The following MDGA2 variants were observed in gnomAD, a reference collection of about 807,000 sequenced individuals.
The protein encoded by MDGA2 is MAM domain containing glycosylphosphatidylinositol anchor 2, also known as MAM domain-containing glycosylphosphatidylinositol anchor protein 2.
In MDGA2, 40 loss-of-function variants were observed where a neutral mutation model predicts 117.8. The observed-to-expected ratio is 0.34, with a 90% confidence interval of 0.26 to 0.44. The LOEUF is 0.44. Ranked by LOEUF, MDGA2 falls within the 20% of genes least tolerant of loss-of-function variation. The pLI, the probability that MDGA2 is intolerant of heterozygous loss-of-function variation, is 1.00. For synonymous variants in MDGA2, 452 were observed against 439.0 expected, an observed-to-expected ratio of 1.03 and a Z score of -0.37; for missense variants, 1,123 against 1,250.6, an observed-to-expected ratio of 0.90 and a Z score of 1.54.
chr14:47,415,617 G>C (rs529603691), intron 1 of MDGA2, among the ~76,000 whole-genome samples: 1 of 152,230 alleles, frequency 6.6e-6, no homozygotes, highest in African/African-American at 2.4e-5. Flanking sequence ...ACTATCTGCA[G>C]TCCTGCTAAC....
intron 8 of MDGA2, chr14:46,960,309 C>T (rs1204904127): frequency 6.6e-6 from 1 of 151,648 alleles, no homozygotes; most frequent in African/African-American, 2.4e-5. Flanking sequence ...GCTTATTTGC[C>T]CTTCATTCCT....
intron 1 of MDGA2, among the ~76,000 whole-genome samples, chr14:47,519,776 T>C (rs575809764): frequency 6.6e-6 from 1 of 152,288 alleles, no homozygotes; most frequent in East Asian, 1.9e-4. Flanking sequence ...AAGCTATAAT[T>C]TGTGAGATAA....
At chr14:47,644,227 G>A (rs1897482277) in intron 1 of MDGA2, among the ~76,000 whole-genome samples, 1 of 152,200 alleles carries the variant, frequency 6.6e-6, no homozygotes, top group African/African-American at 2.4e-5. Flanking sequence ...TTGAAAATGT[G>A]ATTACATTAA....
chr14:47,431,596 A>G (rs1892801250), intron 1 of MDGA2, among the ~76,000 whole-genome samples: 2 of 152,076 alleles, frequency 1.3e-5, no homozygotes, highest in Non-Finnish European at 2.9e-5. Flanking sequence ...TGTGCTTTGA[A>G]GAAATTTGAT....
chr14:46,875,361 A>G (rs1164856138), intron 12 of MDGA2, among the ~76,000 whole-genome samples: 1 of 151,746 alleles, frequency 6.6e-6, no homozygotes, highest in Non-Finnish European at 1.5e-5. Context: ...TTTCCTTTAA[A>G]TTTAGGGAAT....
At chr14:47,161,258 C>T (rs1156862445) in intron 3 of MDGA2, among the ~76,000 whole-genome samples, 3 of 151,964 alleles carry the variant, frequency 2.0e-5, no homozygotes, top group Non-Finnish European at 4.4e-5. Context: ...ATAATTACGG[C>T]ATTTTGAGCT....
intron 1 of MDGA2, among the ~76,000 whole-genome samples, chr14:47,639,468 G>T (rs1005889737): frequency 6.6e-5 from 10 of 151,994 alleles, no homozygotes; most frequent in African/African-American, 9.7e-5. Flanking sequence ...TCTAAGAAAT[G>T]AGCCCTCCTT....
intron 2 of MDGA2, among the ~76,000 whole-genome samples, chr14:47,256,288 G>A (rs952784131): frequency 1.3e-5 from 2 of 151,904 alleles, no homozygotes; most frequent in Non-Finnish European, 2.9e-5. Context: ...CATCATAGGA[G>A]TATCAATATT....
chr14:46,856,648 T>G (rs1881279408), intron 14 of MDGA2, among the ~76,000 whole-genome samples: 1 of 152,108 alleles, frequency 6.6e-6, no homozygotes, highest in African/African-American at 2.4e-5. Flanking sequence ...ATTCAATGTT[T>G]AGTTTACTTA....
chr14:47,185,390 T>C (rs896520736), intron 3 of MDGA2, among the ~76,000 whole-genome samples: 20 of 151,524 alleles, frequency 1.3e-4, no homozygotes, highest in Non-Finnish European at 2.8e-4. Context: ...ATGCTTTAGG[T>C]ACTATTAATA....
chr14:47,236,219 A>T (rs1886854877), intron 2 of MDGA2, among the ~76,000 whole-genome samples: 1 of 136,886 alleles, frequency 7.3e-6, no homozygotes, highest in Non-Finnish European at 1.5e-5. Flanking sequence ...TCAACCCAGG[A>T]GGCGGAGCTT....
intron 5 of MDGA2, among the ~76,000 whole-genome samples, chr14:47,131,390 G>A (rs1352235623): frequency 6.6e-6 from 1 of 151,738 alleles, no homozygotes. Context: ...CTTCAATCAC[G>A]AATTTTTATA....
At chr14:47,530,628 T>C (rs772285427) in intron 1 of MDGA2, among the ~76,000 whole-genome samples, 13 of 152,096 alleles carry the variant, frequency 8.5e-5, no homozygotes, top group Non-Finnish European at 1.8e-4. Flanking sequence ...ACCAAGTGCA[T>C]TGGCGGCATC....
intron 1 of MDGA2, among the ~76,000 whole-genome samples, chr14:47,321,993 T>C (rs187213805): frequency 6.6e-6 from 1 of 152,340 alleles, no homozygotes; most frequent in African/African-American, 2.4e-5. Flanking sequence ...GCTAGTTTAT[T>C]TGTCATTAAA....
At chr14:47,451,721 T>A (rs1396665261) in intron 1 of MDGA2, among the ~76,000 whole-genome samples, 1 of 152,104 alleles carries the variant, frequency 6.6e-6, no homozygotes, top group Non-Finnish European at 1.5e-5. Context: ...TTCAATATAA[T>A]GAGATTTCTG....
chr14:47,147,109 G>C (rs1351044244), intron 3 of MDGA2, among the ~76,000 whole-genome samples: 1 of 151,808 alleles, frequency 6.6e-6, no homozygotes, highest in African/African-American at 2.4e-5. Flanking sequence ...AATTTTAAGG[G>C]AGATTATATA....
chr14:47,379,170 A>T (rs1594826211), intron 1 of MDGA2, among the ~76,000 whole-genome samples: 1 of 152,334 alleles, frequency 6.6e-6, no homozygotes, highest in East Asian at 1.9e-4. Flanking sequence ...AAATGCTGAG[A>T]TTTTGTCACC....
intron 1 of MDGA2, among the ~76,000 whole-genome samples, chr14:47,439,987 T>C (rs1055938801): frequency 2.0e-5 from 3 of 152,134 alleles, no homozygotes; most frequent in Admixed American, 2.0e-4. Flanking sequence ...TGTACCTTCT[T>C]ATTGCCTGCA....
chr14:47,549,343 A>ATCTCTCTCTCTCTCTCTCTCTC lies in MDGA2; in HGVS notation c.280+125152_280+125173dup, dbSNP rs3039661. Among the ~76,000 whole-genome samples the ATCTCTCTCTCTCTCTCTCTCTC allele has an allele frequency of 3.2e-3, 453 of 140,202 alleles. 7 individuals are homozygous for ATCTCTCTCTCTCTCTCTCTCTC. Among genetic ancestry groups the ATCTCTCTCTCTCTCTCTCTCTC allele is most frequent in the East Asian group, 0.011 (52 of 4,544 alleles). The allele number at this position is 140,202 out of a possible 152,430, so 92.0% of individuals were successfully genotyped here. A position where few individuals can be genotyped will look rare whatever the true frequency, so the allele number is the denominator to read the frequency against. ...CATGTTGATAGGTTTCACCAGTATT[A>ATCTCTCTCTCTCTCTCTCTCTC]TCTCTCTCTCTCTCTCTCTCTCTCT... On this transcript the variant is annotated intron_variant, in intron 1 of 16. Coordinates refer to ENST00000399232, the MANE Select transcript of MDGA2 (RefSeq NM_001113498.3).
Sources: gnomAD v4.1 joint callset for allele counts (sites outside exome capture counted in the v4.1 genomes callset) on GRCh38, gnomAD v4.1.1 for gene constraint, MANE v1.5 for transcripts, NCBI Gene and HGNC (gene_info 2026-07-23, HGNC 2026-07-21) for gene names.